The following ATP1B1 variants were observed in gnomAD, a reference collection of about 807,000 sequenced individuals.
ATP1B1 encodes sodium/potassium-transporting ATPase subunit beta-1.
Under a neutral mutation model 39.6 loss-of-function variants are expected in ATP1B1, and 3 were observed. The observed-to-expected ratio is 0.08, with a 90% CI of 0.03 to 0.20. The LOEUF is 0.20. Ranked by LOEUF, ATP1B1 falls within the 10% of genes least tolerant of loss-of-function variation. The probability of loss-of-function intolerance (pLI) is 1.00; values close to 1 mark genes in which losing one functional copy is unlikely to be tolerated. For synonymous variants in ATP1B1, 139 were observed against 135.0 expected (o/e 1.03, Z -0.20); for missense variants, 216 against 371.1 (o/e 0.58, Z 3.43).
At chr1:169,109,454 C>G (rs1571218253) in intron 1 of ATP1B1, among the ~76,000 whole-genome samples, 1 of 135,012 alleles carries the variant, frequency 7.4e-6, no homozygotes, top group African/African-American at 2.8e-5. Flanking sequence ...GAGTGCTCCA[C>G]TCTCTCCCAG....
In ATP1B1 at chr1:169,106,760, A is replaced by C. The variant is rs1277721516; in HGVS notation, c.-70A>C. On this transcript the variant is annotated 5_prime_UTR_variant, in exon 1 of 6. Coordinates refer to ENST00000367815, the MANE Select transcript of ATP1B1 (RefSeq NM_001677.4). ...CCAGGCCGGAGAAGCCGAGCGGCGCAGAGGACGCCAGGGCGCGCGCCGCAG... is the reference window on the plus strand; with the variant it reads ...CCAGGCCGGAGAAGCCGAGCGGCGCCGAGGACGCCAGGGCGCGCGCCGCAG... 2.3e-6 allele frequency: 3 copies of C among 1,298,148 alleles called. No individual in the cohort carries two copies. Among genetic ancestry groups the C allele is most frequent in the African/African-American group, 3.1e-5 (2 of 64,286 alleles). 80.4% of individuals were successfully genotyped at this position (1,298,148 alleles called of 1,614,324 possible). A position where few individuals can be genotyped will look rare whatever the true frequency, so the allele number is the denominator to read the frequency against.
intron 2 of ATP1B1, among the ~76,000 whole-genome samples, chr1:169,115,077 C>G (rs937350946): frequency 6.7e-6 from 1 of 149,088 alleles, no homozygotes; most frequent in Non-Finnish European, 1.5e-5. Context: ...CCCAGCTACT[C>G]GGAAGGCTGA....
intron 2 of ATP1B1, 123 bp from the exon 3 acceptor site, chr1:169,124,761 G>T: frequency 9.1e-7 from 1 of 1,093,936 alleles, no homozygotes; most frequent in South Asian, 1.5e-5. Flanking sequence ...TAACAAGGGA[G>T]GCAAGACCCT....
chr1:169,127,473 A>G (rs991216167), intron 4 of ATP1B1, 65 bp downstream of exon 4: 2 of 1,505,198 alleles, frequency 1.3e-6, no homozygotes, highest in Admixed American at 4.2e-5. Context: ...AATTGATCTG[A>G]GAAGACAATG....
At position 169,120,950 on chromosome 1, in the gene ATP1B1, C is replaced by T. The variant is rs375414331; in HGVS notation, c.227-3934C>T. Among the ~76,000 whole-genome samples the T allele has an allele frequency of 5.2e-5, 7 of 134,838 alleles. No homozygotes were observed. The South Asian group carries it at 9.5e-4, about 18-fold the overall frequency. The allele number at this position is 134,838 out of a possible 152,430, so 88.5% of individuals were successfully genotyped here. A position where few individuals can be genotyped will look rare whatever the true frequency, so the allele number is the denominator to read the frequency against. ...TTTCTTTCTCTTTTTCTTTTCTTTTCTTTTTTTTTTTTTTTGAGACAGAGT... is the reference window on the plus strand; with the variant it reads ...TTTCTTTCTCTTTTTCTTTTCTTTTTTTTTTTTTTTTTTTTGAGACAGAGT... On this transcript the variant is annotated intron_variant, in intron 2 of 5. Coordinates refer to ENST00000367815, the MANE Select transcript of ATP1B1 (RefSeq NM_001677.4).
Position 169,131,249 on chromosome 1 carries a change from C to G in ATP1B1, c.649-43C>G. The G allele has an allele frequency of 1.3e-6, 2 of 1,597,954 alleles. No individual in the cohort carries two copies. Among genetic ancestry groups the G allele is most frequent in the Non-Finnish European group, 1.7e-6 (2 of 1,171,780 alleles). On this transcript the variant is annotated intron_variant, in intron 5 of 5. Transcript: ENST00000367815. This position sits in a 1 kb window ranked among gnomAD's most constrained non-coding sequence, Gnocchi z 4.4. The stretch of plus-strand genomic sequence containing the variant: ...TTGTTTTTGAGTACACATAGTGATG[C>G]ATGATGTGAGCCATTAAAATTTCAT...
intron 1 of ATP1B1, chr1:169,108,063 A>G (rs1013941814): frequency 6.6e-6 from 1 of 151,300 alleles, no homozygotes; most frequent in African/African-American, 2.4e-5. Flanking sequence ...TTTGAAATGG[A>G]AGAAGCTGGA....
At chr1:169,124,241 G>A (rs1029155555) in intron 2 of ATP1B1, among the ~76,000 whole-genome samples, 6 of 152,098 alleles carry the variant, frequency 3.9e-5, no homozygotes, top group Admixed American at 3.9e-4. Context: ...TTATCTGACC[G>A]GCACTGACAT....
chr1:169,122,728 A>G (rs964903827), intron 2 of ATP1B1, among the ~76,000 whole-genome samples: 1 of 140,462 alleles, frequency 7.1e-6, no homozygotes, highest in South Asian at 2.3e-4. Context: ...CAGGTTCTAC[A>G]TCATCCTTTT....
At position 169,129,917 on chromosome 1, in the gene ATP1B1, G is replaced by A. The variant is rs1658168426; in HGVS notation, c.568-93G>A. 3 of 1,196,814 alleles carry A rather than the reference G, an allele frequency of 2.5e-6. No homozygotes were observed. The South Asian group carries it at 4.3e-5, about 17-fold the overall frequency. 74.1% of individuals were successfully genotyped at this position (1,196,814 alleles called of 1,614,324 possible). A position where few individuals can be genotyped will look rare whatever the true frequency, so the allele number is the denominator to read the frequency against. ...TATTTTGGTTGACTTACTGTGACCA[G>A]TGTGTACTTGTTTGGACTACGGAGT... is the stretch of plus-strand genomic sequence containing the variant. On this transcript the variant is annotated intron_variant, in intron 4 of 5. Transcript: ENST00000367815.
At chr1:169,119,593 C>T (rs1234942227) in intron 2 of ATP1B1, among the ~76,000 whole-genome samples, 1 of 152,152 alleles carries the variant, frequency 6.6e-6, no homozygotes, top group Non-Finnish European at 1.5e-5. Context: ...TGAAATATGA[C>T]TCATGAGAAC....
At chr1:169,129,602 T>C (rs1159140820) in intron 4 of ATP1B1, among the ~76,000 whole-genome samples, 2 of 152,218 alleles carry the variant, frequency 1.3e-5, no homozygotes, top group African/African-American at 4.8e-5. Flanking sequence ...TATTCATGAC[T>C]CAGGAGGAAA....
At chr1:169,120,991 A>G (rs1490954679) in intron 2 of ATP1B1, among the ~76,000 whole-genome samples, 1 of 133,098 alleles carries the variant, frequency 7.5e-6, no homozygotes, top group Admixed American at 8.5e-5. Flanking sequence ...TCTGTTGCCC[A>G]GGCTGGAGTG....
chr1:169,116,256 A>G lies in ATP1B1; in HGVS notation c.226+4758A>G, dbSNP rs894929150. On this transcript the variant is annotated intron_variant, in intron 2 of 5. Transcript: ENST00000367815. ...GCTCACTTAGCAACAGTGGAGTGAA[A>G]TGAAGGTCACTGTGTGTCAATCGGT... Among the ~76,000 whole-genome samples the G allele has an allele frequency of 2.6e-5, 4 of 152,192 alleles. No homozygotes were observed. In the East Asian group the frequency reaches 7.7e-4, roughly 29 times the overall value.
chr1:169,108,720 G>A (rs980115314), intron 1 of ATP1B1, among the ~76,000 whole-genome samples: 4 of 152,208 alleles, frequency 2.6e-5, no homozygotes, highest in Non-Finnish European at 5.9e-5. Context: ...GAGAGACCGT[G>A]TGTGTCAATT....
chr1:169,116,572 C>T (rs545444509), intron 2 of ATP1B1, among the ~76,000 whole-genome samples: 1 of 152,224 alleles, frequency 6.6e-6, no homozygotes, highest in East Asian at 1.9e-4. Flanking sequence ...CATTAGGGGC[C>T]TGGCGCAGTG....
chr1:169,106,974 G>A (rs1200128), intron 1 of ATP1B1, 48 bp downstream of exon 1: 2 of 1,519,200 alleles, frequency 1.3e-6, no homozygotes, highest in East Asian at 2.7e-5. Context: ...GATCTTTCCC[G>A]GGCGGCGCAT....
At chr1:169,122,258 T>C (rs1407701216) in intron 2 of ATP1B1, among the ~76,000 whole-genome samples, 1 of 152,152 alleles carries the variant, frequency 6.6e-6, no homozygotes, top group African/African-American at 2.4e-5. Flanking sequence ...TTCTGAATTT[T>C]GTTGAGCCTC....
At chr1:169,114,480 G>A (rs138084054) in intron 2 of ATP1B1, among the ~76,000 whole-genome samples, 5 of 152,266 alleles carry the variant, frequency 3.3e-5, no homozygotes, top group South Asian at 2.1e-4. Flanking sequence ...TTTGTACACC[G>A]GAATACCTTG....
Sources: allele counts gnomAD v4.1 joint callset (sites outside exome capture counted in the v4.1 genomes callset), GRCh38; gene constraint gnomAD v4.1.1; non-coding constraint Gnocchi (gnomAD v3.1); transcripts MANE v1.5; gene names NCBI Gene and HGNC (gene_info 2026-07-23, HGNC 2026-07-21).